LIAS: variants seen among roughly 807,000 people sequenced by gnomAD.
LIAS encodes lipoic acid synthetase.
LIAS carries 36 observed loss-of-function variants against 49.4 expected under a neutral mutation model. The observed-to-expected ratio is 0.73, with a 90% CI of 0.56 to 0.96. The LOEUF (loss-of-function observed/expected upper bound fraction) is 0.96. Among genes scored for constraint, LIAS ranks in the 40% least tolerant of loss-of-function variants. The pLI, the probability that LIAS is intolerant of heterozygous loss-of-function variation, is 0.00. For missense variants in LIAS, 399 were observed against 456.3 expected, an observed-to-expected ratio of 0.87 and a Z score of 1.14; for synonymous variants, 145 against 155.8, an observed-to-expected ratio of 0.93 and a Z score of 0.52.
intron 10 of LIAS, chr4:39,474,890 C>G (rs1363128761): frequency 6.6e-6 from 1 of 151,896 alleles, no homozygotes; most frequent in Non-Finnish European, 1.5e-5. Flanking sequence ...CCACCGCACC[C>G]GGCTGACCTT....
chr4:39,476,920 A>G, intron 10 of LIAS, 143 bp from the exon 11 acceptor site: 1 of 599,990 alleles, frequency 1.7e-6, no homozygotes, highest in East Asian at 3.1e-5. Flanking sequence ...AAATATTGCC[A>G]TTGAGGTTTG....
chr4:39,468,599 G>GA (rs1297635115), intron 7 of LIAS, among the ~76,000 whole-genome samples: 2 of 142,996 alleles, frequency 1.4e-5, no homozygotes, highest in African/African-American at 5.1e-5. Context: ...TGATGCAGAA[G>GA]AAAAACTCGT....
At chr4:39,471,165 C>A in intron 8 of LIAS, 71 bp from the exon 9 acceptor site, 2 of 1,163,942 alleles carry the variant, frequency 1.7e-6, no homozygotes, top group African/African-American at 1.5e-5. Flanking sequence ...TTTAAATATT[C>A]CTTAGGAAAA....
chr4:39,474,052 C>G (rs1745090047), intron 10 of LIAS: 1 of 150,630 alleles, frequency 6.6e-6, no homozygotes, highest in South Asian at 2.1e-4. Context: ...ATCACGAGGT[C>G]AGGAGATCGA....
At chr4:39,471,366 T>C in intron 9 of LIAS, 60 bp downstream of exon 9, 1 of 1,337,422 alleles carries the variant, frequency 7.5e-7, no homozygotes, top group Non-Finnish European at 1.0e-6. Context: ...GGAGTTTTGC[T>C]CTTGTCGCCT....
intron 7 of LIAS, 65 bp from the exon 8 acceptor site, chr4:39,469,954 C>T (rs1353040017): frequency 1.4e-6 from 2 of 1,477,188 alleles, no homozygotes; most frequent in Non-Finnish European, 1.9e-6. Flanking sequence ...TTTCAGGTTG[C>T]TTGCATAACT....
At position 39,460,862 on chromosome 4, in the gene LIAS, C is replaced by T; in HGVS notation, c.118C>T (p.Gln40Ter). ...GCCAGATAAAAAAAAGGAACTCCTACAGAATGGACCAGACCTTCAAGATTT... is the reference window on the plus strand; with the variant it reads ...GCCAGATAAAAAAAAGGAACTCCTATAGAATGGACCAGACCTTCAAGATTT... The part of the protein sequence containing the change: ...SLPDKKKELL[Q>*]NGPDLQDFVS... Residue 40 changes from glutamine (Q) to a stop codon, truncating the protein, a stop_gained, in exon 2 of 11, where the codon CAG (glutamine) becomes TAG (stop). Transcript: ENST00000640888. LOFTEE classifies it high-confidence loss of function. The T allele has an allele frequency of 6.2e-7, 1 of 1,612,524 alleles. No individual in the cohort carries two copies. The highest frequency in any genetic ancestry group is 8.5e-7 in the Non-Finnish European group (1 of 1,179,388).
intron 1 of LIAS, among the ~76,000 whole-genome samples, chr4:39,460,215 G>C (rs1477907986): frequency 6.6e-6 from 1 of 152,186 alleles, no homozygotes; most frequent in Non-Finnish European, 1.5e-5. Context: ...TGGAGTACAT[G>C]AAAGTGTGAT....
Position 39,460,899 on chromosome 4 carries a change from A to G in LIAS, c.155A>G (p.Asp52Gly). 6.2e-7 allele frequency: 1 copy of G among 1,613,254 alleles called. No individual in the cohort carries two copies. Among genetic ancestry groups the G allele is most frequent in the South Asian group, 1.1e-5 (1 of 90,828 alleles). Residue 52 changes from aspartate to glycine, a missense_variant, in exon 2 of 11, where the codon GAT becomes GGT. Physicochemically the swap from Asp to Gly is moderately conservative, Grantham distance 94 (BLOSUM62 -1). Transcript: ENST00000640888. ...GACCTTCAAGATTTTGTATCTGGTGATCTTGCAGACAGGAGCACCTGGGAT... is the reference window on the plus strand; with the variant it reads ...GACCTTCAAGATTTTGTATCTGGTGGTCTTGCAGACAGGAGCACCTGGGAT... ...GPDLQDFVSG[D>G]LADRSTWDEY...
At chr4:39,468,730 A>G (rs1744864497) in intron 7 of LIAS, 1 of 150,108 alleles carries the variant, frequency 6.7e-6, no homozygotes, top group African/African-American at 2.4e-5. Flanking sequence ...TATACAAAAA[A>G]TTTTAGCTAG....
At chr4:39,471,065 C>G (rs373338695) in intron 8 of LIAS, among the ~76,000 whole-genome samples, 171 bp from the exon 9 acceptor site, 3 of 152,200 alleles carry the variant, frequency 2.0e-5, no homozygotes, top group African/African-American at 7.2e-5. Context: ...GTCCTTACCA[C>G]AGTCCCTGGC....
chr4:39,469,242 T>TA (rs750149752), intron 7 of LIAS: 1 of 152,236 alleles, frequency 6.6e-6, no homozygotes, highest in Non-Finnish European at 1.5e-5. Context: ...GAAATTCTGT[T>TA]AAAAAGTGAT....
intron 7 of LIAS, chr4:39,468,441 A>AT (rs1744842617): frequency 6.6e-6 from 1 of 150,394 alleles, no homozygotes; most frequent in Non-Finnish European, 1.5e-5. Flanking sequence ...AGATTGCGCC[A>AT]TTGCACTCCA....
Position 39,459,156 on chromosome 4 carries a change from GC to G in LIAS, c.43del (p.Arg15GlyfsTer14). On this transcript the variant is annotated frameshift_variant, in exon 1 of 11. Transcript: ENST00000640888. LOFTEE classifies it high-confidence loss of function. ...RCGDAARTLG[P>X]RVFGRYFCSP... ...GCGGGGATGCAGCCCGCACCCTGGG[GC>G]CCCGGGTGAGCGGCGGGGCGAACGG... is the stretch of plus-strand genomic sequence containing the variant. 1.2e-6 allele frequency: 2 copies of G among 1,613,142 alleles called. No homozygotes were observed. Among genetic ancestry groups the G allele is most frequent in the South Asian group, 1.1e-5 (1 of 91,086 alleles).
In LIAS at chr4:39,478,358, GC is replaced by G. The variant is rs768970773; in HGVS notation, c.*1244del. On this transcript the variant is annotated 3_prime_UTR_variant, in exon 11 of 11. Transcript: ENST00000640888. ...ATTGCTACTAAAAATAAAAAAATTA[GC>G]TAGGTGTGTTGGCAGGTGCCTGTAA... 5.3e-5 allele frequency: 8 copies of G among 152,140 alleles called. No individual in the cohort carries two copies. Among genetic ancestry groups the G allele is most frequent in the Non-Finnish European group, 1.0e-4 (7 of 68,028 alleles). 9.4% of individuals were successfully genotyped at this position (152,140 alleles called of 1,614,324 possible).
intron 9 of LIAS, among the ~76,000 whole-genome samples, chr4:39,472,649 A>C (rs1578244548): frequency 6.6e-6 from 1 of 152,314 alleles, no homozygotes; most frequent in African/African-American, 2.4e-5. Flanking sequence ...TCTATCATGG[A>C]CATTTATCCA....
At chr4:39,467,448 A>G in intron 6 of LIAS, 70 bp from the exon 7 acceptor site, 1 of 1,433,974 alleles carries the variant, frequency 7.0e-7, no homozygotes, top group South Asian at 1.5e-5. Context: ...GATTACTGAT[A>G]ATTTCTATTT....
rs2109896123 is a variant in LIAS, at chr4:39,478,447, T to C, written c.*1332T>C. On this transcript the variant is annotated 3_prime_UTR_variant, in exon 11 of 11. Coordinates refer to ENST00000640888, the MANE Select transcript of LIAS (RefSeq NM_006859.4). Reference sequence around the variant, plus strand: ...TGAGCCTGTGAAGCAGAGATTGCAGTGAGGCGATATCGTGCCACTGCACTC... The same window carrying C: ...TGAGCCTGTGAAGCAGAGATTGCAGCGAGGCGATATCGTGCCACTGCACTC... 1 of 152,256 alleles carries C rather than the reference T, an allele frequency of 6.6e-6. No individual in the cohort carries two copies. Among genetic ancestry groups the C allele is most frequent in the South Asian group, 2.1e-4 (1 of 4,824 alleles). 9.4% of individuals were successfully genotyped at this position (152,256 alleles called of 1,614,324 possible). A position where few individuals can be genotyped will look rare whatever the true frequency, so the allele number is the denominator to read the frequency against.
In LIAS at chr4:39,463,617, C is replaced by G. The variant is rs761956778; in HGVS notation, c.393+12C>G. The G allele has an allele frequency of 1.2e-6, 2 of 1,609,764 alleles. No homozygotes were observed. Among genetic ancestry groups the G allele is most frequent in the Non-Finnish European group, 1.7e-6 (2 of 1,177,210 alleles). The stretch of plus-strand genomic sequence containing the variant: ...CAGCCACGATCATGGTAGGGCCAGC[C>G]TCAACCTCTATGGCTTTAGTCTAGA... On this transcript the variant is annotated intron_variant, in intron 4 of 10. Coordinates refer to ENST00000640888, the MANE Select transcript of LIAS (RefSeq NM_006859.4).
Sources: gnomAD v4.1 joint callset for allele counts (sites outside exome capture counted in the v4.1 genomes callset) on GRCh38, gnomAD v4.1.1 for gene constraint, MANE v1.5 for transcripts, NCBI Gene and HGNC (gene_info 2026-07-23, HGNC 2026-07-21) for gene names.